Variants in FOXP1 observed in about 807,000 individuals in gnomAD.
The protein encoded by FOXP1 is forkhead box protein P1.
In FOXP1, 15 loss-of-function variants were observed where a neutral mutation model predicts 98.2. The observed-to-expected ratio is 0.15, with a 90% CI of 0.10 to 0.24. The LOEUF is 0.24. Among genes scored for constraint, FOXP1 ranks in the 10% least tolerant of loss-of-function variants. The pLI is 1.00. For synonymous variants in FOXP1, 371 were observed against 314.5 expected, an observed-to-expected ratio of 1.18 and a Z score of -1.90; for missense variants, 633 against 848.5, an observed-to-expected ratio of 0.75 and a Z score of 3.15.
At chr3:71,519,341 C>A (rs906974713) in intron 2 of FOXP1, among the ~76,000 whole-genome samples, 5 of 152,178 alleles carry the variant, frequency 3.3e-5, no homozygotes, top group African/African-American at 2.4e-5. Context: ...GGTAAAACTG[C>A]GGAGACTTTA....
chr3:71,202,837 T>G (rs2063759560), intron 5 of FOXP1, among the ~76,000 whole-genome samples: 1 of 152,218 alleles, frequency 6.6e-6, no homozygotes, highest in Non-Finnish European at 1.5e-5. Context: ...AACTGTCTTT[T>G]TCTTTTGACT....
chr3:71,378,444 G>A (rs2079894712), intron 3 of FOXP1, among the ~76,000 whole-genome samples: 1 of 152,048 alleles, frequency 6.6e-6, no homozygotes, highest in African/African-American at 2.4e-5. Flanking sequence ...TGCCCACCAT[G>A]CTGAGCAGCG....
intron 11 of FOXP1, among the ~76,000 whole-genome samples, chr3:71,031,896 T>C (rs1186008708): frequency 6.6e-6 from 1 of 152,222 alleles, no homozygotes; most frequent in Non-Finnish European, 1.5e-5. Context: ...TTAACTGACT[T>C]TCTATGAACC....
intron 11 of FOXP1, among the ~76,000 whole-genome samples, chr3:71,030,986 C>T (rs760307658): frequency 1.2e-4 from 19 of 152,128 alleles, no homozygotes; most frequent in Non-Finnish European, 2.5e-4. Context: ...CATAGATATC[C>T]GCCTGATTCT....
chr3:71,383,044 C>G (rs955293749), intron 3 of FOXP1, among the ~76,000 whole-genome samples: 2 of 152,150 alleles, frequency 1.3e-5, no homozygotes, highest in African/African-American at 4.8e-5. Context: ...TTTTGTAACA[C>G]CAAGTCAGGA....
intron 4 of FOXP1, among the ~76,000 whole-genome samples, chr3:71,304,218 C>T (rs767806327): frequency 5.9e-5 from 9 of 152,138 alleles, no homozygotes; most frequent in Non-Finnish European, 8.8e-5. Flanking sequence ...AGGCTGGCAG[C>T]CCCCCACTCA....
intron 11 of FOXP1, among the ~76,000 whole-genome samples, chr3:71,018,344 C>T (rs914560341): frequency 1.3e-4 from 20 of 152,198 alleles, no homozygotes; most frequent in African/African-American, 4.6e-4. Flanking sequence ...ATACTCGTCA[C>T]ACACGGGTAC....
chr3:71,009,162 G>GGGC (rs1553690016), intron 12 of FOXP1, among the ~76,000 whole-genome samples: 1 of 79,392 alleles, frequency 1.3e-5, no homozygotes, highest in Non-Finnish European at 2.7e-5. Context: ...GGGCGGGGGG[G>GGGC]GGGGGGCGCA....
rs139379663 is a variant in FOXP1 at position 71,139,879 on chromosome 3, C to A, written c.181-27242G>T. Among the ~76,000 whole-genome samples, 9 of 152,028 alleles carry A rather than the reference C, an allele frequency of 5.9e-5. No homozygotes were observed. In the East Asian group the frequency reaches 1.7e-3, roughly 29 times the overall value. The stretch of plus-strand genomic sequence containing the variant: ...ATGAATCAATACTTCTAGGCAGCCA[C>A]AATAAAATGCTAACTGGAGTTCATA... On this transcript the variant is annotated intron_variant, in intron 6 of 20. Transcript: ENST00000649528.
intron 7 of FOXP1, among the ~76,000 whole-genome samples, chr3:71,091,233 T>C (rs914955250): frequency 1.3e-5 from 2 of 152,056 alleles, no homozygotes; most frequent in South Asian, 2.1e-4. Flanking sequence ...CTCACGTCTG[T>C]AACCCCAGCA....
chr3:71,013,981 C>A (rs1164983847), intron 12 of FOXP1, among the ~76,000 whole-genome samples: 1 of 152,244 alleles, frequency 6.6e-6, no homozygotes, highest in South Asian at 2.1e-4. Flanking sequence ...CTTCCTTACA[C>A]CTTATACAAA....
chr3:71,398,286 C>T (rs1371539292), intron 3 of FOXP1, among the ~76,000 whole-genome samples: 1 of 152,192 alleles, frequency 6.6e-6, no homozygotes, highest in African/African-American at 2.4e-5. Context: ...TCTCCACTTG[C>T]TTCTGATTTC....
intron 4 of FOXP1, among the ~76,000 whole-genome samples, chr3:71,339,980 A>T (rs899871969): frequency 1.3e-5 from 2 of 152,368 alleles, no homozygotes; most frequent in South Asian, 4.1e-4. Context: ...TATTGCTCAT[A>T]AACACCAAAA....
chr3:71,046,869 A>G, intron 10 of FOXP1, 73 bp downstream of exon 10: 2 of 1,517,728 alleles, frequency 1.3e-6, no homozygotes, highest in East Asian at 2.3e-5. Context: ...CTTAACAAAT[A>G]TACCAAGAGA....
intron 2 of FOXP1, among the ~76,000 whole-genome samples, chr3:71,549,860 TAA>T (rs55826932): frequency 0.019 from 1,130 of 59,886 alleles, 4 homozygotes; most frequent in African/African-American, 0.026. Flanking sequence ...ATGCTGGGAG[TAA>T]AAAAAAAAAA....
intron 3 of FOXP1, among the ~76,000 whole-genome samples, chr3:71,378,107 A>C (rs2079863553): frequency 6.6e-6 from 1 of 152,028 alleles, no homozygotes; most frequent in Admixed American, 6.6e-5. Context: ...CAAAAAAAAA[A>C]AAAAAAGCCT....
intron 1 of FOXP1, among the ~76,000 whole-genome samples, chr3:71,583,243 C>T (rs1006691628): frequency 3.3e-5 from 5 of 152,050 alleles, no homozygotes; most frequent in African/African-American, 1.2e-4. Context: ...TCGCCACCGC[C>T]CCCGCCCCCA....
At chr3:71,385,727 T>C (rs1243471323) in intron 3 of FOXP1, among the ~76,000 whole-genome samples, 1 of 152,238 alleles carries the variant, frequency 6.6e-6, no homozygotes, top group Non-Finnish European at 1.5e-5. Context: ...CCTACAAATC[T>C]GTCATCTCCA....
chr3:71,506,222 C>T (rs1020333277), intron 2 of FOXP1, among the ~76,000 whole-genome samples: 1 of 152,142 alleles, frequency 6.6e-6, no homozygotes, highest in East Asian at 1.9e-4. Context: ...GCCTGGGGTC[C>T]GATCCTGGCT....
Sources: allele counts gnomAD v4.1 joint callset (sites outside exome capture counted in the v4.1 genomes callset), GRCh38; gene constraint gnomAD v4.1.1; transcripts MANE v1.5; gene names NCBI Gene and HGNC (gene_info 2026-07-23, HGNC 2026-07-21).